COX10: variants seen among roughly 807,000 people sequenced by gnomAD.
COX10 encodes the protein protoheme IX farnesyltransferase, mitochondrial.
In COX10, 27 loss-of-function variants were observed where a neutral mutation model predicts 37.3. That is an observed-to-expected ratio of 0.72 (90% CI 0.53 to 1.00). The LOEUF (loss-of-function observed/expected upper bound fraction) is 1.00. Among genes scored for constraint, COX10 ranks in the 50% least tolerant of loss-of-function variants. The pLI is 0.00. For synonymous variants in COX10, 222 were observed against 229.1 expected (o/e 0.97, Z 0.28); for missense variants, 475 against 563.2 (o/e 0.84, Z 1.59).
intron 5 of COX10, among the ~76,000 whole-genome samples, chr17:14,178,341 A>T (rs1905749009): frequency 1.0e-5 from 1 of 98,788 alleles, no homozygotes; most frequent in Admixed American, 1.1e-4. Flanking sequence ...CTTATTTTGG[A>T]ATGTTTCCAG....
intron 5 of COX10, among the ~76,000 whole-genome samples, chr17:14,186,587 C>T (rs1358890888): frequency 2.0e-5 from 3 of 151,938 alleles, no homozygotes. Context: ...ACCACCACTA[C>T]AGCATCAGTG....
At chr17:14,136,393 A>C (rs980387993) in intron 4 of COX10, among the ~76,000 whole-genome samples, 7 of 152,030 alleles carry the variant, frequency 4.6e-5, no homozygotes, top group African/African-American at 1.7e-4. Flanking sequence ...GGAAAAGCTA[A>C]GTAATTATAC....
At chr17:14,100,130 G>A (rs1174741462) in intron 3 of COX10, among the ~76,000 whole-genome samples, 2 of 152,094 alleles carry the variant, frequency 1.3e-5, no homozygotes, top group Non-Finnish European at 2.9e-5. Flanking sequence ...AAAACTCTCT[G>A]CCTCTCTTAA....
chr17:14,131,149 A>G (rs1379821768), intron 4 of COX10, among the ~76,000 whole-genome samples: 1 of 152,152 alleles, frequency 6.6e-6, no homozygotes, highest in Non-Finnish European at 1.5e-5. Flanking sequence ...TAGACATCAT[A>G]AAAGGGCAGC....
intron 5 of COX10, among the ~76,000 whole-genome samples, chr17:14,168,185 G>C (rs1905346165): frequency 6.6e-6 from 1 of 152,186 alleles, no homozygotes; most frequent in Non-Finnish European, 1.5e-5. Context: ...AACCCAAAAG[G>C]GCCATCATTA....
chr17:14,086,086 T>C (rs1915403032), intron 3 of COX10, among the ~76,000 whole-genome samples: 1 of 152,226 alleles, frequency 6.6e-6, no homozygotes, highest in Admixed American at 6.5e-5. Flanking sequence ...AGATTTGATC[T>C]CATTATATAT....
chr17:14,158,285 A>C (rs943336343), intron 4 of COX10, among the ~76,000 whole-genome samples: 1 of 152,058 alleles, frequency 6.6e-6, no homozygotes, highest in African/African-American at 2.4e-5. Flanking sequence ...TGGGGAAAGG[A>C]AACATATGTC....
intron 5 of COX10, among the ~76,000 whole-genome samples, chr17:14,179,643 G>A (rs986932940): frequency 1.2e-4 from 18 of 152,306 alleles, no homozygotes; most frequent in Admixed American, 9.2e-4. Flanking sequence ...AAAACTTCCT[G>A]CAGGCAGAGC....
intron 5 of COX10, chr17:14,179,232 A>C (rs1214138708): frequency 1.0e-6 from 1 of 983,564 alleles, no homozygotes; most frequent in East Asian, 1.1e-4. Context: ...GACACCGTTC[A>C]TCTACCATCT....
intron 4 of COX10, among the ~76,000 whole-genome samples, chr17:14,139,986 A>G (rs1166741040): frequency 2.6e-5 from 4 of 152,174 alleles, no homozygotes; most frequent in Non-Finnish European, 4.4e-5. Flanking sequence ...TTGTAAGTCT[A>G]TTTGAATTGC....
chr17:14,138,107 G>A (rs1000065203), intron 4 of COX10, among the ~76,000 whole-genome samples: 1 of 151,894 alleles, frequency 6.6e-6, no homozygotes, highest in Non-Finnish European at 1.5e-5. Flanking sequence ...CCTTACAAAG[G>A]GAATAGTGTC....
At chr17:14,179,640 C>G (rs1479428373) in intron 5 of COX10, among the ~76,000 whole-genome samples, 1 of 152,206 alleles carries the variant, frequency 6.6e-6, no homozygotes, top group Non-Finnish European at 1.5e-5. Flanking sequence ...GTGAAAACTT[C>G]CTGCAGGCAG....
chr17:14,073,675 A>G (rs1386110916), intron 1 of COX10, among the ~76,000 whole-genome samples: 2 of 152,222 alleles, frequency 1.3e-5, no homozygotes, highest in Non-Finnish European at 2.9e-5. Context: ...AACCAGGAAC[A>G]CTTAGTGTCA....
rs555241980 is a variant in COX10, at chr17:14,115,358, T to C, written c.624+13116T>C. On this transcript the variant is annotated intron_variant, in intron 4 of 6. Transcript: ENST00000261643. ...GGTAATAATCACCAGTCAGAGTGGC[T>C]ATTATTAAAAAGACAAGAAATAACA... 2.8e-4 allele frequency among the ~76,000 whole-genome samples: 43 copies of C among 152,268 alleles called. No individual in the cohort carries two copies. In the South Asian group the frequency reaches 8.5e-3, roughly 30 times the overall value.
At position 14,076,982 on chromosome 17, in the gene COX10, G is replaced by A. The variant is rs749298341; in HGVS notation, c.425G>A (p.Arg142Gln). The change falls in exon 3 of 7, where the codon CGG (arginine) becomes CAG (glutamine). Residue 142 changes from arginine to glutamine, a missense_variant. Arg to Gln is a conservative substitution (Grantham distance 43, BLOSUM62 1). Transcript: ENST00000261643. ...DVGKETKEEK[R>Q]WKEMKLQVYD... is the part of the protein sequence containing the mutation. Reference sequence around the variant, plus strand: ...GGGAAAGAGACAAAAGAGGAAAAGCGGTGGAAAGAGATGAAGCTGCAAGTG... The same window carrying A: ...GGGAAAGAGACAAAAGAGGAAAAGCAGTGGAAAGAGATGAAGCTGCAAGTG... 1.3e-5 allele frequency: 21 copies of A among 1,613,946 alleles called. No homozygotes were observed. The highest frequency in any genetic ancestry group is 4.0e-5 in the African/African-American group (3 of 74,892).
Position 14,195,033 on chromosome 17 carries a change from A to G in COX10, c.928+2812A>G, listed in dbSNP as rs536848848. On this transcript the variant is annotated intron_variant, in intron 6 of 6. Transcript: ENST00000261643. ...AAAGATGCATTGTGGGGCACACAGT[A>G]ACAACATGACTTACTGCCCCCAGAA... Among the ~76,000 whole-genome samples the G allele has an allele frequency of 8.5e-5, 13 of 152,364 alleles. No individual in the cohort carries two copies. In the East Asian group the frequency reaches 2.5e-3, roughly 29 times the overall value.
intron 5 of COX10, among the ~76,000 whole-genome samples, chr17:14,176,313 G>A (rs16949118): frequency 0.14 from 20,820 of 151,992 alleles, 2,019 homozygotes; most frequent in East Asian, 0.4. Context: ...ACATTAGAAC[G>A]TAATCCCAGA....
chr17:14,206,766 GA>G lies in COX10; in HGVS notation c.929-43del, dbSNP rs753721312. On this transcript the variant is annotated intron_variant, in intron 6 of 6. Transcript: ENST00000261643. ...AAACCATTCTTTGGAAATCTCTGGTGATGACTGCCTTTGTCTCCCTCTCCTT... is the reference window on the plus strand; with the variant it reads ...AAACCATTCTTTGGAAATCTCTGGTGTGACTGCCTTTGTCTCCCTCTCCTT... 4 of 1,611,666 alleles carry G rather than the reference GA, an allele frequency of 2.5e-6. No homozygotes were observed. The Admixed American group carries it at 6.7e-5, about 27-fold the overall frequency.
chr17:14,202,099 T>TC (rs1157070940), intron 6 of COX10, among the ~76,000 whole-genome samples: 3 of 152,248 alleles, frequency 2.0e-5, no homozygotes, highest in African/African-American at 7.2e-5. Context: ...TCTCTTTTTT[T>TC]TTTTTTAAGG....
Sources: gnomAD v4.1 joint callset for allele counts (sites outside exome capture counted in the v4.1 genomes callset) on GRCh38, gnomAD v4.1.1 for gene constraint, MANE v1.5 for transcripts, NCBI Gene and HGNC (gene_info 2026-07-23, HGNC 2026-07-21) for gene names.